The following TMPRSS6 variants were observed in gnomAD, a reference collection of about 807,000 sequenced individuals.
The protein encoded by TMPRSS6 is transmembrane protease serine 6.
A neutral mutation model predicts 101.5 loss-of-function variants in TMPRSS6; 67 were observed. The ratio of observed to expected loss-of-function variants is 0.66; its 90% CI spans 0.54 to 0.81. The LOEUF (loss-of-function observed/expected upper bound fraction) is 0.81, where lower values mean the gene tolerates loss of function less well. Among genes scored for constraint, TMPRSS6 ranks in the 30% least tolerant of loss-of-function variants. The pLI is 0.00. For missense variants in TMPRSS6, 1,034 were observed against 1,088.7 expected (o/e 0.95, Z 0.71); for synonymous variants, 453 against 464.9 (o/e 0.97, Z 0.33).
rs892317136 is a variant in TMPRSS6 at position 37,065,659 on chromosome 22, A to G, written c.*421T>C. ...CCATTCCCAGATCCCAAGTTAGACC[A>G]GGGGCTTCCGAAGCTGGAATCTGCT... is the stretch of plus-strand genomic sequence containing the variant. On this transcript the variant is annotated 3_prime_UTR_variant, in exon 18 of 18. Coordinates refer to ENST00000676104, the MANE Select transcript of TMPRSS6 (RefSeq NM_001374504.1). The G allele has an allele frequency of 3.6e-5, 7 of 195,950 alleles. No individual in the cohort carries two copies. The highest frequency in any genetic ancestry group is 1.6e-4 in the Admixed American group (3 of 18,856). 12.1% of individuals were successfully genotyped at this position (195,950 alleles called of 1,614,324 possible).
chr22:37,074,734 G>A, intron 11 of TMPRSS6, 26 bp from the exon 12 acceptor site: 1 of 1,610,326 alleles, frequency 6.2e-7, no homozygotes, highest in Non-Finnish European at 8.5e-7. Context: ...GGACCGTGGA[G>A]GCAGGCAGGG....
In TMPRSS6 at chr22:37,075,989, GAGAA is replaced by G. The variant is rs376205764; in HGVS notation, c.1197-713_1197-710del. 7.3e-4 allele frequency among the ~76,000 whole-genome samples: 106 copies of G among 145,232 alleles called. 1 individual carries two copies. Among genetic ancestry groups the G allele is most frequent in the African/African-American group, 2.1e-3 (82 of 38,506 alleles). On this transcript the variant is annotated intron_variant, in intron 10 of 17. Coordinates refer to ENST00000676104, the MANE Select transcript of TMPRSS6 (RefSeq NM_001374504.1). ...AGGGAGGGAAAAAGAAAGAAAGAAA[GAGAA>G]AGAAAGGAAGAAAGAAAGAAAGAAG...
intron 16 of TMPRSS6, among the ~76,000 whole-genome samples, chr22:37,067,727 C>T (rs1035765143): frequency 2.0e-5 from 3 of 152,188 alleles, no homozygotes; most frequent in African/African-American, 7.2e-5. Flanking sequence ...CCCGGGGAGC[C>T]TTGATACGCA....
At chr22:37,086,970 A>G (rs1928840443) in intron 7 of TMPRSS6, among the ~76,000 whole-genome samples, 1 of 152,184 alleles carries the variant, frequency 6.6e-6, no homozygotes, top group Non-Finnish European at 1.5e-5. Context: ...GCTTTTAGAA[A>G]TCTGGAATGT....
chr22:37,075,019 T>A (rs1927494065), intron 11 of TMPRSS6, 116 bp downstream of exon 11: 1 of 1,537,442 alleles, frequency 6.5e-7, no homozygotes, highest in Non-Finnish European at 9.0e-7. Flanking sequence ...ACACACACTC[T>A]CTCTCTCCTT....
intron 13 of TMPRSS6, 146 bp from the exon 14 acceptor site, chr22:37,071,178 C>CTTTT: frequency 1.4e-6 from 1 of 738,316 alleles, no homozygotes; most frequent in Non-Finnish European, 2.3e-6. Context: ...TTAGGGTCTC[C>CTTTT]TAAAAGCAGG....
rs768076408 is a variant in TMPRSS6, at chr22:37,084,360, A to G, written c.1131T>C (p.Tyr377=). Residue 377 remains tyrosine, a synonymous_variant, in exon 10 of 18, where the codon TAT becomes TAC. Transcript: ENST00000676104. The part of the protein sequence containing the change: ...DYGLALWFDA[Y]ALRRQKYDLP... ...AATCATACTTCTGCCTCCTCAGTGC[A>G]TAGGCATCAAACCAGAGGGCCAAGC... 5.0e-6 allele frequency: 8 copies of G among 1,613,514 alleles called. No homozygotes were observed. The highest frequency in any genetic ancestry group is 6.8e-6 in the Non-Finnish European group (8 of 1,179,718).
chr22:37,073,750 C>A (rs1449440968), intron 12 of TMPRSS6, 105 bp from the exon 13 acceptor site: 1 of 783,306 alleles, frequency 1.3e-6, no homozygotes, highest in East Asian at 2.4e-5. Flanking sequence ...TTACCAATCA[C>A]AAATCTCTTT....
Position 37,069,096 on chromosome 22 carries a change from C to T in TMPRSS6, c.2090G>A (p.Gly697Asp). The part of the protein sequence containing the change: ...FEPGLHCWIT[G>D]WGALREGGPI... ...ACCGCCCTCGCGCAAGGCGCCCCAG[C>T]CCGTAATCCAGCAGTGCAGGCCGGG... The change falls in exon 16 of 18, where the codon GGC becomes GAC. Residue 697 changes from glycine (G) to aspartate (D), a missense_variant. Coordinates refer to ENST00000676104, the MANE Select transcript of TMPRSS6 (RefSeq NM_001374504.1). This position sits in a 1 kb window ranked among gnomAD's most constrained non-coding sequence, Gnocchi z 4.8. The T allele has an allele frequency of 6.5e-7, 1 of 1,549,802 alleles. No individual in the cohort carries two copies. Among genetic ancestry groups the T allele is most frequent in the Non-Finnish European group, 8.7e-7 (1 of 1,151,798 alleles).
intron 14 of TMPRSS6, 73 bp from the exon 15 acceptor site, chr22:37,070,725 A>G: frequency 6.6e-7 from 1 of 1,521,170 alleles, no homozygotes; most frequent in Non-Finnish European, 9.1e-7. Flanking sequence ...GAGGAAGGGC[A>G]AAGGAAAGAG....
intron 6 of TMPRSS6, among the ~76,000 whole-genome samples, chr22:37,093,153 G>A (rs944373853): frequency 6.6e-6 from 1 of 152,114 alleles, no homozygotes; most frequent in Non-Finnish European, 1.5e-5. Context: ...TGCCCCCTGA[G>A]ACTCTGTGCT....
rs557006307 is a variant in TMPRSS6, at chr22:37,077,457, C to G, written c.1197-2177G>C. Among the ~76,000 whole-genome samples, 11 of 152,358 alleles carry G rather than the reference C, an allele frequency of 7.2e-5. No homozygotes were observed. In the South Asian group the frequency reaches 8.3e-4, roughly 11 times the overall value. On this transcript the variant is annotated intron_variant, in intron 10 of 17. Transcript: ENST00000676104. The stretch of plus-strand genomic sequence containing the variant: ...CAACCAGCAGTTCTCAAAGCACAGT[C>G]AGGGGACCCCTGGGGGTCCAAAAGT...
intron 14 of TMPRSS6, 113 bp from the exon 15 acceptor site, chr22:37,070,765 G>A (rs746653403): frequency 2.2e-6 from 3 of 1,350,506 alleles, no homozygotes; most frequent in Non-Finnish European, 3.1e-6. Context: ...GAGAATGATG[G>A]AGGGGGAGAG....
chr22:37,068,950 G>T (rs934468397), intron 16 of TMPRSS6, 123 bp downstream of exon 16: 11 of 1,449,336 alleles, frequency 7.6e-6, no homozygotes, highest in Middle Eastern at 2.5e-4. Context: ...TTGAATCCCA[G>T]CACTAGAGGG....
chr22:37,095,178 C>T (rs1401281547), intron 6 of TMPRSS6, among the ~76,000 whole-genome samples: 3 of 152,098 alleles, frequency 2.0e-5, no homozygotes, highest in South Asian at 2.1e-4. Context: ...ACTGACAAAC[C>T]GTGAATTGGC....
intron 3 of TMPRSS6, among the ~76,000 whole-genome samples, 164 bp downstream of exon 3, chr22:37,098,252 T>A (rs1194783971): frequency 1.3e-5 from 2 of 152,076 alleles, no homozygotes; most frequent in Non-Finnish European, 2.9e-5. Context: ...CCACTAACTT[T>A]CCCATGACCC....
At chr22:37,083,685 A>G (rs988079575) in intron 10 of TMPRSS6, among the ~76,000 whole-genome samples, 11 of 152,074 alleles carry the variant, frequency 7.2e-5, no homozygotes, top group African/African-American at 2.4e-4. Context: ...GCCTAACCCC[A>G]CTGTCTCTTG....
At chr22:37,084,233 A>G in intron 10 of TMPRSS6, 62 bp downstream of exon 10, 1 of 1,385,024 alleles carries the variant, frequency 7.2e-7, no homozygotes, top group Non-Finnish European at 1.0e-6. Flanking sequence ...GTCACTATTG[A>G]GGAGGGAAGA....
intron 10 of TMPRSS6, among the ~76,000 whole-genome samples, chr22:37,077,471 G>A (rs563483082): frequency 2.0e-5 from 3 of 152,346 alleles, no homozygotes; most frequent in South Asian, 2.1e-4. Context: ...GGACCCCTGG[G>A]GGTCCAAAAG....
Sources: allele counts gnomAD v4.1 joint callset (sites outside exome capture counted in the v4.1 genomes callset), GRCh38; gene constraint gnomAD v4.1.1; non-coding constraint Gnocchi (gnomAD v3.1); transcripts MANE v1.5; gene names NCBI Gene and HGNC (gene_info 2026-07-23, HGNC 2026-07-21).